TET1: variants seen among roughly 807,000 people sequenced by gnomAD.
The protein encoded by TET1 is tet methylcytosine dioxygenase 1.
A neutral mutation model predicts 148.7 loss-of-function variants in TET1; 13 were observed. That is an observed-to-expected ratio of 0.09 (90% CI 0.06 to 0.14). The LOEUF (loss-of-function observed/expected upper bound fraction) is 0.14, where lower values mean the gene tolerates loss of function less well. Ranked by LOEUF, TET1 falls within the 10% of genes least tolerant of loss-of-function variation. TET1 has a pLI of 1.00. For missense variants in TET1, 2,182 were observed against 2,553.8 expected, an observed-to-expected ratio of 0.85 and a Z score of 3.14; for synonymous variants, 907 against 937.2, an observed-to-expected ratio of 0.97 and a Z score of 0.59.
chr10:68,565,475 A>AAAAAAAT (rs1388182777), intron 1 of TET1, among the ~76,000 whole-genome samples: 138 of 129,218 alleles, frequency 1.1e-3, no homozygotes, highest in East Asian at 3.0e-3. Context: ...AAAAAAAAAA[A>AAAAAAAT]ATATATATAT....
At chr10:68,626,577 A>G (rs2054485819) in intron 3 of TET1, among the ~76,000 whole-genome samples, 1 of 151,820 alleles carries the variant, frequency 6.6e-6, no homozygotes, top group Non-Finnish European at 1.5e-5. Context: ...TTTTTGAGAC[A>G]GTCTCACTCT....
At chr10:68,673,942 T>C (rs2055312427) in intron 8 of TET1, among the ~76,000 whole-genome samples, 1 of 142,944 alleles carries the variant, frequency 7.0e-6, no homozygotes, top group Non-Finnish European at 1.5e-5. Context: ...TTTCTTTTTT[T>C]TTTTTCTTTT....
chr10:68,562,695 G>C (rs1234802725), intron 1 of TET1, among the ~76,000 whole-genome samples: 1 of 151,218 alleles, frequency 6.6e-6, no homozygotes. Context: ...CGCTCTCCGG[G>C]CTGGTCTCCC....
At chr10:68,681,632 A>G in intron 9 of TET1, 144 bp downstream of exon 9, 1 of 540,706 alleles carries the variant, frequency 1.8e-6, no homozygotes, top group Non-Finnish European at 3.2e-6. Flanking sequence ...CCCTCCAAAA[A>G]TGCTGGGATT....
intron 8 of TET1, among the ~76,000 whole-genome samples, chr10:68,677,328 T>C (rs1200549902): frequency 2.6e-5 from 4 of 152,182 alleles, no homozygotes; most frequent in African/African-American, 9.7e-5. Flanking sequence ...CCTTCTGATT[T>C]CTTTTTGTTT....
At chr10:68,672,487 C>CAA (rs71483920) in intron 7 of TET1, among the ~76,000 whole-genome samples, 32,405 of 49,906 alleles carry the variant, frequency 0.65, 10,506 homozygotes, top group South Asian at 0.72. Flanking sequence ...GACCCCATCT[C>CAA]AAAAAAAAAA....
intron 3 of TET1, among the ~76,000 whole-genome samples, chr10:68,616,187 G>A (rs2054287187): frequency 6.6e-6 from 1 of 152,110 alleles, no homozygotes; most frequent in African/African-American, 2.4e-5. Flanking sequence ...TTACTCATCA[G>A]TACCTATTCA....
chr10:68,691,043 C>T lies in TET1; in HGVS notation c.5640C>T (p.His1880=). ...CGFSERSSTP[H]CTMPSGRLSG... is the part of the protein sequence containing the mutation. ...TTTCAGAAAGAAGCAGCACTCCCCA[C>T]TGTACGATGCCTTCGGGAAGACTCA... The change falls in exon 12 of 12, where the codon CAC becomes CAT. Residue 1880 remains histidine, a synonymous_variant. Coordinates refer to ENST00000373644, the MANE Select transcript of TET1 (RefSeq NM_030625.3). The surrounding 1 kb of genome is among the most constrained non-coding windows in gnomAD (Gnocchi z 4.4). The T allele has an allele frequency of 6.2e-7, 1 of 1,614,218 alleles. No individual in the cohort carries two copies. Among genetic ancestry groups the T allele is most frequent in the Non-Finnish European group, 8.5e-7 (1 of 1,180,038 alleles).
chr10:68,635,443 A>G (rs1047824392), intron 3 of TET1, among the ~76,000 whole-genome samples: 15 of 152,126 alleles, frequency 9.9e-5, no homozygotes, highest in African/African-American at 3.4e-4. Context: ...AGAAACAACA[A>G]CCTACAGTTT....
intron 7 of TET1, among the ~76,000 whole-genome samples, chr10:68,669,248 C>T (rs2894069): frequency 0.26 from 17,973 of 68,460 alleles, 1,213 homozygotes; most frequent in East Asian, 0.45. Context: ...CTCACCACCC[C>T]CCACAAAAAA....
At chr10:68,595,612 C>CTTTTTTTTTGTTTTTTTT (rs2053968801) in intron 2 of TET1, among the ~76,000 whole-genome samples, 1 of 76,516 alleles carries the variant, frequency 1.3e-5, no homozygotes, top group Non-Finnish European at 2.5e-5. Flanking sequence ...CACACAGCTT[C>CTTTTTTTTTGTTTTTTTT]TTTTTTTTTT....
intron 5 of TET1, among the ~76,000 whole-genome samples, 174 bp downstream of exon 5, chr10:68,652,110 T>C (rs1189518911): frequency 1.3e-5 from 2 of 152,160 alleles, no homozygotes; most frequent in Admixed American, 6.6e-5. Context: ...GAGCCACCCA[T>C]CATACAAGCT....
In TET1 at chr10:68,573,129, G is replaced by A. The variant is rs1004780942; in HGVS notation, c.791G>A (p.Gly264Glu). ...QRATPKVTSQ[G>E]NPSIQLEELG... ...GCAACCCCCAAAGTTACCTCTCAAG[G>A]AAACCCCAGCATTCAGTTAGAAGAG... is the stretch of plus-strand genomic sequence containing the variant. The change falls in exon 2 of 12, where the codon GGA (glycine) becomes GAA (glutamate). Residue 264 changes from glycine to glutamate, a missense_variant. Gly to Glu is a moderately conservative substitution (Grantham distance 98, BLOSUM62 -2). Transcript: ENST00000373644. The A allele has an allele frequency of 4.3e-6, 7 of 1,614,002 alleles. No individual in the cohort carries two copies. The African/African-American group carries it at 8.0e-5, about 18-fold the overall frequency.
chr10:68,628,182 G>A (rs1278262445), intron 3 of TET1, among the ~76,000 whole-genome samples: 2 of 152,234 alleles, frequency 1.3e-5, no homozygotes, highest in African/African-American at 4.8e-5. Context: ...CCTGATGTTA[G>A]GTGATCCGCC....
chr10:68,632,862 C>T (rs1039937114), intron 3 of TET1: 1 of 757,940 alleles, frequency 1.3e-6, no homozygotes, highest in East Asian at 2.8e-5. Flanking sequence ...AGAAAGAAAA[C>T]AAAATTGTCT....
intron 2 of TET1, among the ~76,000 whole-genome samples, chr10:68,576,871 A>G (rs1021197206): frequency 1.3e-5 from 2 of 151,258 alleles, no homozygotes; most frequent in Non-Finnish European, 2.9e-5. Flanking sequence ...CCTCCTGCAT[A>G]GCTGGGATTA....
rs948263873 is a variant in TET1 at position 68,672,790 on chromosome 10, G to A, written c.4674-105G>A. 20 of 831,462 alleles carry A rather than the reference G, an allele frequency of 2.4e-5. No individual in the cohort carries two copies. In the South Asian group the frequency reaches 5.0e-4, roughly 21 times the overall value. The allele number at this position is 831,462 out of a possible 1,614,324, so 51.5% of individuals were successfully genotyped here. The stretch of plus-strand genomic sequence containing the variant: ...AATATAATAGATAAGTGTTATAACC[G>A]GTTCTTTAGGCATCCATCCTTCTAA... On this transcript the variant is annotated intron_variant, in intron 7 of 11. Transcript: ENST00000373644.
In TET1 at chr10:68,682,851, G is replaced by A. The variant is rs758127082; in HGVS notation, c.4930G>A (p.Val1644Ile). 1.9e-6 allele frequency: 3 copies of A among 1,613,060 alleles called. No homozygotes were observed. The highest frequency in any genetic ancestry group is 2.7e-5 in the African/African-American group (2 of 74,854). ...TCTTTTCTAGGTGGAATATGAAAAT[G>A]TTGCCCGAGAATGTCGGCTTGGCAG... ...AYQNQVEYEN[V>I]ARECRLGSKE... Residue 1644 changes from valine to isoleucine, a missense_variant, in exon 10 of 12, where the codon GTT becomes ATT. Physicochemically the swap from Val to Ile is conservative, Grantham distance 29. Coordinates refer to ENST00000373644, the MANE Select transcript of TET1 (RefSeq NM_030625.3).
rs527627128 is a variant in TET1, at chr10:68,693,591, C to T, written c.*1777C>T. 1 of 232,648 alleles carries T rather than the reference C, an allele frequency of 4.3e-6. No individual in the cohort carries two copies. The highest frequency in any genetic ancestry group is 2.2e-5 in the African/African-American group (1 of 45,396). The allele number at this position is 232,648 out of a possible 1,614,324, so 14.4% of individuals were successfully genotyped here. ...ACCATCGTGTACAAGTAGATTTCTG[C>T]TTGTTGAATATGTAAAATAGGGTAA... is the stretch of plus-strand genomic sequence containing the variant. On this transcript the variant is annotated 3_prime_UTR_variant, in exon 12 of 12. Coordinates refer to ENST00000373644, the MANE Select transcript of TET1 (RefSeq NM_030625.3).
Sources: allele counts gnomAD v4.1 joint callset (sites outside exome capture counted in the v4.1 genomes callset), GRCh38; gene constraint gnomAD v4.1.1; non-coding constraint Gnocchi (gnomAD v3.1); transcripts MANE v1.5; gene names NCBI Gene and HGNC (gene_info 2026-07-23, HGNC 2026-07-21).